Variants in CDH1 observed in about 807,000 individuals in gnomAD.
CDH1 encodes the protein cadherin-1.
In CDH1, 35 loss-of-function variants were observed where a neutral mutation model predicts 84.5. That is an observed-to-expected ratio of 0.41 (90% CI 0.32 to 0.55). The LOEUF is 0.55. CDH1 is among the 20% of genes least tolerant of loss of function. The pLI is 0.19. For missense variants in CDH1, 994 were observed against 1,126.6 expected (o/e 0.88, Z 1.68); for synonymous variants, 417 against 439.0 (o/e 0.95, Z 0.63).
rs1225825306 is a variant in CDH1 at position 68,834,735 on chromosome 16, G to A, written c.*1236G>A. On this transcript the variant is annotated 3_prime_UTR_variant, in exon 16 of 16. Coordinates refer to ENST00000261769, the MANE Select transcript of CDH1 (RefSeq NM_004360.5). The stretch of plus-strand genomic sequence containing the variant: ...GCAATGGGCAGCTATCCAGTGACTT[G>A]TTCTGAGTAAGTGTGTTCATTAATG... 4.3e-6 allele frequency: 1 copy of A among 233,398 alleles called. No homozygotes were observed. Among genetic ancestry groups the A allele is most frequent in the African/African-American group, 2.2e-5 (1 of 45,302 alleles). The allele number at this position is 233,398 out of a possible 1,614,324, so 14.5% of individuals were successfully genotyped here.
At chr16:68,743,359 C>CT (rs373698881) in intron 2 of CDH1, among the ~76,000 whole-genome samples, 28,954 of 54,860 alleles carry the variant, frequency 0.53, 6,216 homozygotes, top group African/African-American at 0.55. Flanking sequence ...TTCTTTCTTT[C>CT]TTTCTTTTCT....
chr16:68,833,179 G>A, intron 15 of CDH1, 111 bp from the exon 16 acceptor site: 2 of 875,880 alleles, frequency 2.3e-6, no homozygotes, highest in East Asian at 2.4e-5. Context: ...TCCGTGGTGT[G>A]CCACAAGTCT....
At position 68,801,869 on chromosome 16, in the gene CDH1, C is replaced by A. The variant is rs781427897; in HGVS notation, c.363C>A (p.His121Gln). ...AAGTCACGCTGAATACAGTGGGGCA[C>A]CACCACCGCCCCCCGCCCCATCAGG... ...STKVTLNTVG[H>Q]HHRPPPHQAS... Residue 121 changes from histidine to glutamine, a missense_variant, in exon 3 of 16, where the codon CAC becomes CAA. Transcript: ENST00000261769. 4 of 1,614,040 alleles carry A rather than the reference C, an allele frequency of 2.5e-6. No individual in the cohort carries two copies. Among genetic ancestry groups the A allele is most frequent in the Non-Finnish European group, 3.4e-6 (4 of 1,179,886 alleles).
intron 2 of CDH1, among the ~76,000 whole-genome samples, chr16:68,760,266 A>T (rs1413169236): frequency 3.3e-4 from 32 of 97,954 alleles, no homozygotes; most frequent in African/African-American, 4.4e-4. Flanking sequence ...CGCCCAGCTA[A>T]TTTTTTTTTT....
intron 2 of CDH1, among the ~76,000 whole-genome samples, chr16:68,801,192 A>G (rs1281997524): frequency 2.0e-5 from 3 of 152,048 alleles, no homozygotes; most frequent in Non-Finnish European, 4.4e-5. Flanking sequence ...GCTCACTGCA[A>G]CCTCCACCTT....
intron 2 of CDH1, among the ~76,000 whole-genome samples, chr16:68,798,822 G>A (rs1244704074): frequency 6.6e-6 from 1 of 152,112 alleles, no homozygotes; most frequent in Non-Finnish European, 1.5e-5. Flanking sequence ...TTGCTAGTTT[G>A]AAAAGAAATT....
rs1597884617 is a variant in CDH1 at position 68,801,716 on chromosome 16, C to T, written c.210C>T (p.Ser70=). 1 of 1,614,132 alleles carries T rather than the reference C, an allele frequency of 6.2e-7. No homozygotes were observed. Residue 70 remains serine, a synonymous_variant, in exon 3 of 16, where the codon TCC becomes TCT. Coordinates refer to ENST00000261769, the MANE Select transcript of CDH1 (RefSeq NM_004360.5). ...GTCGACAAAGGACAGCCTATTTTTC[C>T]CTCGACACCCGATTCAAAGTGGGCA... is the stretch of plus-strand genomic sequence containing the variant. ...CTGRQRTAYF[S]LDTRFKVGTD... is the part of the protein sequence containing the mutation.
At chr16:68,759,120 G>C (rs1963092773) in intron 2 of CDH1, among the ~76,000 whole-genome samples, 1 of 151,774 alleles carries the variant, frequency 6.6e-6, no homozygotes, top group Non-Finnish European at 1.5e-5. Context: ...AATTTATTTT[G>C]AAAAATACAA....
rs367868307 is a variant in CDH1 at position 68,812,229 on chromosome 16, C to T, written c.1103C>T (p.Thr368Ile). 1.2e-6 allele frequency: 2 copies of T among 1,614,032 alleles called. No individual in the cohort carries two copies. Among genetic ancestry groups the T allele is most frequent in the East Asian group, 4.5e-5 (2 of 44,898 alleles). The change falls in exon 8 of 16, where the codon ACC becomes ATC. Residue 368 changes from threonine to isoleucine, a missense_variant. Thr to Ile is a moderately conservative substitution (Grantham distance 89, BLOSUM62 -1). Around this residue, in one of 3 missense-constraint regions of CDH1, gnomAD observed 769 missense variants for 881.8 expected, o/e 0.87. Coordinates refer to ENST00000261769, the MANE Select transcript of CDH1 (RefSeq NM_004360.5). The stretch of plus-strand genomic sequence containing the variant: ...ACAGCTGTGATCACAGTCACTGACA[C>T]CAACGATAATCCTCCGATCTTCAAT... ...TATAVITVTDTNDNPPIFNPT... is the reference protein window; with the variant it reads ...TATAVITVTDINDNPPIFNPT...
intron 10 of CDH1, among the ~76,000 whole-genome samples, chr16:68,818,237 C>T (rs1241734366): frequency 1.8e-5 from 2 of 111,512 alleles, no homozygotes; most frequent in African/African-American, 6.2e-5. Flanking sequence ...GAGACTCTGT[C>T]CCAAAAAAAA....
In CDH1 at chr16:68,833,802, G is replaced by T. The variant is rs1961563079; in HGVS notation, c.*303G>T. 1 of 450,604 alleles carries T rather than the reference G, an allele frequency of 2.2e-6. No homozygotes were observed. The highest frequency in any genetic ancestry group is 4.1e-6 in the Non-Finnish European group (1 of 245,390). The allele number at this position is 450,604 out of a possible 1,614,324, so 27.9% of individuals were successfully genotyped here. A position where few individuals can be genotyped will look rare whatever the true frequency, so the allele number is the denominator to read the frequency against. On this transcript the variant is annotated 3_prime_UTR_variant, in exon 16 of 16. Transcript: ENST00000261769. ...AGAAGAACAACTTTAGCATCAGAAG[G>T]TTCACCCAGCACCTTGCAGATTTTC...
At chr16:68,769,466 CTTT>C in intron 2 of CDH1, among the ~76,000 whole-genome samples, 1 of 146,456 alleles carries the variant, frequency 6.8e-6, no homozygotes, top group African/African-American at 2.5e-5. Flanking sequence ...AATGGAATTT[CTTT>C]TTTTTTTTTT....
chr16:68,835,329 CT>C lies in CDH1; in HGVS notation c.*1835del. 2 of 224,236 alleles carry C rather than the reference CT, an allele frequency of 8.9e-6. No individual in the cohort carries two copies. The allele number at this position is 224,236 out of a possible 1,614,324, so 13.9% of individuals were successfully genotyped here. On this transcript the variant is annotated 3_prime_UTR_variant, in exon 16 of 16. Transcript: ENST00000261769. ...GAGAAAAAAATCAACCCTGCAATCA[CT>C]TTTTGGAATTGTCTTGATTTTTCGG... is the stretch of plus-strand genomic sequence containing the variant.
intron 3 of CDH1, among the ~76,000 whole-genome samples, chr16:68,804,880 G>C (rs1052403801): frequency 4.5e-5 from 6 of 134,330 alleles, no homozygotes; most frequent in Non-Finnish European, 7.6e-5. Flanking sequence ...ACCCAGGCTG[G>C]AGTGCAGTGG....
chr16:68,785,004 T>C (rs1031667498), intron 2 of CDH1, among the ~76,000 whole-genome samples: 2 of 152,030 alleles, frequency 1.3e-5, no homozygotes, highest in African/African-American at 4.8e-5. Flanking sequence ...ATAGGTTATA[T>C]GTTCACATGG....
At chr16:68,738,212 G>C (rs1376593993) in intron 1 of CDH1, 85 bp from the exon 2 acceptor site, 1 of 910,134 alleles carries the variant, frequency 1.1e-6, no homozygotes, top group Non-Finnish European at 1.7e-6. Flanking sequence ...CGCCGGGAGC[G>C]AGGGAGGGGC....
chr16:68,758,207 CTT>C (rs57413297), intron 2 of CDH1, among the ~76,000 whole-genome samples: 443 of 39,890 alleles, frequency 0.011, no homozygotes, highest in African/African-American at 0.027. Flanking sequence ...CTTTTTATTT[CTT>C]TTTTTTTTTT....
chr16:68,745,701 C>A (rs1891376609), intron 2 of CDH1, among the ~76,000 whole-genome samples: 1 of 151,072 alleles, frequency 6.6e-6, no homozygotes, highest in African/African-American at 2.4e-5. Flanking sequence ...TCTGTCCCAG[C>A]CCCTGAGATC....
At chr16:68,761,917 T>G (rs1567483150) in intron 2 of CDH1, among the ~76,000 whole-genome samples, 1 of 152,084 alleles carries the variant, frequency 6.6e-6, no homozygotes, top group Non-Finnish European at 1.5e-5. Flanking sequence ...CACCAGGACT[T>G]TGTCTTTCAC....
Sources: allele counts gnomAD v4.1 joint callset (sites outside exome capture counted in the v4.1 genomes callset), GRCh38; gene constraint gnomAD v4.1.1; regional missense constraint gnomAD v4.1.1; transcripts MANE v1.5; gene names NCBI Gene and HGNC (gene_info 2026-07-23, HGNC 2026-07-21).